The following ATXN1 variants were observed in gnomAD, a reference collection of about 807,000 sequenced individuals.
ATXN1 encodes the protein ataxin 1.
In ATXN1, 8 loss-of-function variants were observed where a neutral mutation model predicts 56.4. The ratio of observed to expected loss-of-function variants is 0.14; its 90% confidence interval spans 0.08 to 0.26. The LOEUF (loss-of-function observed/expected upper bound fraction) is 0.26, where lower values mean the gene tolerates loss of function less well. Ranked by LOEUF, ATXN1 falls within the 10% of genes least tolerant of loss-of-function variation. ATXN1 has a pLI of 1.00. For synonymous variants in ATXN1, 514 were observed against 494.6 expected, an observed-to-expected ratio of 1.04 and a Z score of -0.52; for missense variants, 987 against 1,106.5, an observed-to-expected ratio of 0.89 and a Z score of 1.53.
intron 2 of ATXN1, among the ~76,000 whole-genome samples, chr6:16,704,976 C>T (rs73725221): frequency 0.043 from 6,599 of 152,246 alleles, 466 homozygotes; most frequent in African/African-American, 0.15. Flanking sequence ...GCTCTGCAGG[C>T]CCCCTTGCCT....
chr6:16,342,424 G>A (rs1394902950), intron 6 of ATXN1, among the ~76,000 whole-genome samples: 1 of 152,008 alleles, frequency 6.6e-6, no homozygotes, highest in East Asian at 1.9e-4. Flanking sequence ...ATCGTTGGTG[G>A]GAACGTAAAA....
chr6:16,472,847 C>G (rs182232854), intron 6 of ATXN1, among the ~76,000 whole-genome samples: 8 of 152,284 alleles, frequency 5.3e-5, no homozygotes, highest in African/African-American at 1.4e-4. Context: ...AGAGCAGAAC[C>G]CTGCATTGAG....
intron 3 of ATXN1, among the ~76,000 whole-genome samples, chr6:16,620,339 C>T (rs1003433764): frequency 4.0e-4 from 60 of 150,508 alleles, no homozygotes; most frequent in Non-Finnish European, 2.1e-4. Flanking sequence ...AATTTCCAAC[C>T]ATAATCTATT....
intron 6 of ATXN1, among the ~76,000 whole-genome samples, chr6:16,378,708 A>G (rs577459299): frequency 6.6e-6 from 1 of 151,980 alleles, no homozygotes; most frequent in East Asian, 1.9e-4. Context: ...ACAGGTGCAC[A>G]CCACCACCCC....
chr6:16,423,351 C>T (rs1368637518), intron 6 of ATXN1, among the ~76,000 whole-genome samples: 2 of 152,146 alleles, frequency 1.3e-5, no homozygotes, highest in Admixed American at 1.3e-4. Flanking sequence ...AATTGAGATG[C>T]TGTCATCAAT....
chr6:16,391,216 C>T (rs988290940), intron 6 of ATXN1, among the ~76,000 whole-genome samples: 2 of 145,272 alleles, frequency 1.4e-5, no homozygotes, highest in African/African-American at 2.5e-5. Flanking sequence ...CAAGAAAACA[C>T]TATTCAGATG....
At chr6:16,576,757 C>T (rs1762429087) in intron 4 of ATXN1, among the ~76,000 whole-genome samples, 1 of 152,112 alleles carries the variant, frequency 6.6e-6, no homozygotes, top group South Asian at 2.1e-4. Context: ...TTCATGAATG[C>T]ACATACAAAT....
chr6:16,505,452 A>C (rs1487001726), intron 5 of ATXN1, among the ~76,000 whole-genome samples: 4 of 152,230 alleles, frequency 2.6e-5, no homozygotes, highest in Non-Finnish European at 4.4e-5. Context: ...AAAGTTAATA[A>C]GGGAAAGAAC....
chr6:16,656,010 A>G (rs1220015971), intron 3 of ATXN1, among the ~76,000 whole-genome samples: 1 of 151,696 alleles, frequency 6.6e-6, no homozygotes, highest in East Asian at 1.9e-4. Context: ...GAATCGCTTG[A>G]ACCTGGGAGG....
intron 2 of ATXN1, among the ~76,000 whole-genome samples, chr6:16,724,349 C>A (rs1216869893): frequency 6.6e-6 from 1 of 151,988 alleles, no homozygotes; most frequent in Non-Finnish European, 1.5e-5. Flanking sequence ...CTAGGGCTTT[C>A]AGTTCTTTGT....
intron 3 of ATXN1, among the ~76,000 whole-genome samples, chr6:16,603,844 A>G (rs1290494445): frequency 2.0e-5 from 3 of 152,102 alleles, no homozygotes; most frequent in African/African-American, 4.8e-5. Flanking sequence ...GGATGAGGAC[A>G]GTGGCAGAAG....
rs548834145 is a variant in ATXN1 at position 16,650,595 on chromosome 6, G to A, written c.-489+7181C>T. 1.8e-4 allele frequency among the ~76,000 whole-genome samples: 27 copies of A among 152,276 alleles called. No homozygotes were observed. In the South Asian group the frequency reaches 4.8e-3, roughly 27 times the overall value. The stretch of plus-strand genomic sequence containing the variant: ...TACTTAACATTTGTTGGGTTTAGCC[G>A]AAAGCTGCCTTCTTCCATATTTTAA... On this transcript the variant is annotated intron_variant, in intron 3 of 7. Transcript: ENST00000436367.
intron 3 of ATXN1, among the ~76,000 whole-genome samples, chr6:16,643,573 G>A (rs1561791363): frequency 7.0e-6 from 1 of 143,712 alleles, no homozygotes; most frequent in Non-Finnish European, 1.5e-5. Context: ...AGGCTGCAGT[G>A]AGCTGAGATT....
rs1046854905 is a variant in ATXN1, at chr6:16,759,530, GTTTTTTTT to G, written c.-730+1760_-730+1767del. 5.3e-3 allele frequency among the ~76,000 whole-genome samples: 243 copies of G among 45,942 alleles called. 1 individual carries two copies. The highest frequency in any genetic ancestry group is 0.018 in the African/African-American group (210 of 11,582). The allele number at this position is 45,942 out of a possible 152,430, so 30.1% of individuals were successfully genotyped here. A position where few individuals can be genotyped will look rare whatever the true frequency, so the allele number is the denominator to read the frequency against. On this transcript the variant is annotated intron_variant, in intron 1 of 7. Coordinates refer to ENST00000436367, the MANE Select transcript of ATXN1 (RefSeq NM_001128164.2). ...ATTATATAACCAGCTTCTTCCGACT[GTTTTTTTT>G]TTTTTTTTTTTTTTTTTTTTGCCCT... is the stretch of plus-strand genomic sequence containing the variant.
At chr6:16,427,263 T>C (rs183718661) in intron 6 of ATXN1, among the ~76,000 whole-genome samples, 4 of 152,316 alleles carry the variant, frequency 2.6e-5, no homozygotes, top group Admixed American at 2.6e-4. Context: ...GGCTGTCCTG[T>C]GTGTTGCAGG....
chr6:16,704,692 T>C (rs1759368320), intron 2 of ATXN1, among the ~76,000 whole-genome samples: 3 of 152,118 alleles, frequency 2.0e-5, no homozygotes, highest in Admixed American at 1.3e-4. Context: ...ACGGGGAGCC[T>C]TTGGAGAGCA....
rs117229057 is a variant in ATXN1, at chr6:16,434,382, T to C, written c.-161+51590A>G. ...GGAGGTGCTATCTTTGTCCTCAGAA[T>C]TGGATGGAAAACATTCATCTGTGTT... On this transcript the variant is annotated intron_variant, in intron 6 of 7. Coordinates refer to ENST00000436367, the MANE Select transcript of ATXN1 (RefSeq NM_001128164.2). Among the ~76,000 whole-genome samples, 147 of 152,350 alleles carry C rather than the reference T, an allele frequency of 9.6e-4. 6 individuals are homozygous for C. The East Asian group carries it at 0.022, about 22-fold the overall frequency.
intron 6 of ATXN1, among the ~76,000 whole-genome samples, chr6:16,357,127 T>C (rs1761702676): frequency 6.6e-6 from 1 of 152,190 alleles, no homozygotes; most frequent in Admixed American, 6.5e-5. Flanking sequence ...AGTTATTCCA[T>C]TTATAAAATG....
At chr6:16,493,608 C>T (rs1157662939) in intron 5 of ATXN1, among the ~76,000 whole-genome samples, 4 of 152,146 alleles carry the variant, frequency 2.6e-5, no homozygotes, top group Non-Finnish European at 5.9e-5. Context: ...GGGTTTATGT[C>T]TGTCTTCTTT....
Sources: gnomAD v4.1 joint callset for allele counts (sites outside exome capture counted in the v4.1 genomes callset) on GRCh38, gnomAD v4.1.1 for gene constraint, MANE v1.5 for transcripts, NCBI Gene and HGNC (gene_info 2026-07-23, HGNC 2026-07-21) for gene names.